The following KHDRBS2 variants were observed in gnomAD, a reference collection of about 807,000 sequenced individuals.
The protein encoded by KHDRBS2 is KH RNA binding domain containing, signal transduction associated 2, also known as KH domain-containing, RNA-binding, signal transduction-associated protein 2.
A neutral mutation model predicts 44.3 loss-of-function variants in KHDRBS2; 26 were observed. The observed-to-expected ratio is 0.59, with a 90% CI of 0.43 to 0.81. The LOEUF (loss-of-function observed/expected upper bound fraction) is 0.81, where lower values mean the gene tolerates loss of function less well. Ranked by LOEUF, KHDRBS2 falls within the 40% of genes least tolerant of loss-of-function variation. KHDRBS2 has a pLI of 0.00. For missense variants in KHDRBS2, 476 were observed against 433.1 expected (o/e 1.10, Z -0.88); for synonymous variants, 194 against 151.1 (o/e 1.28, Z -2.08).
chr6:62,198,821 T>C (rs573634), intron 1 of KHDRBS2, among the ~76,000 whole-genome samples: 122,761 of 152,084 alleles, frequency 0.81, 50,144 homozygotes, highest in African/African-American at 0.93. Context: ...TGATGAACAT[T>C]GATGCAAAAA....
intron 4 of KHDRBS2, among the ~76,000 whole-genome samples, chr6:61,949,321 TCTAA>T (rs1261096195): frequency 2.0e-5 from 3 of 152,126 alleles, no homozygotes; most frequent in Admixed American, 6.6e-5. Flanking sequence ...CCTCCTGCAT[TCTAA>T]AGTCATGGTG....
chr6:61,661,353 A>G, the KHDRBS2 span: 1 of 151,834 alleles, frequency 6.6e-6, no homozygotes, highest in Non-Finnish European at 1.5e-5. Flanking sequence ...TTTTTCTATC[A>G]TACATCTTCA....
intron 7 of KHDRBS2, among the ~76,000 whole-genome samples, chr6:61,730,863 C>T (rs1774332368): frequency 6.6e-6 from 1 of 151,796 alleles, no homozygotes; most frequent in African/African-American, 2.4e-5. Context: ...CTAACATTCA[C>T]TTTTCAGATA....
At chr6:62,214,841 T>C (rs1829705624) in intron 1 of KHDRBS2, among the ~76,000 whole-genome samples, 1 of 151,978 alleles carries the variant, frequency 6.6e-6, no homozygotes, top group African/African-American at 2.4e-5. Flanking sequence ...TAATCAATTT[T>C]CCTTTATTTC....
intron 6 of KHDRBS2, among the ~76,000 whole-genome samples, chr6:61,877,502 C>T (rs111933512): frequency 8.8e-4 from 132 of 150,678 alleles, no homozygotes; most frequent in African/African-American, 2.5e-3. Flanking sequence ...CCTCCTTTAA[C>T]TCTAAGTTTA....
chr6:62,072,802 C>CT (rs976336193), intron 2 of KHDRBS2, among the ~76,000 whole-genome samples: 17 of 152,110 alleles, frequency 1.1e-4, no homozygotes, highest in African/African-American at 3.6e-4. Flanking sequence ...CTAAAATTCT[C>CT]TTTTTTTGTT....
intron 3 of KHDRBS2, among the ~76,000 whole-genome samples, chr6:62,044,762 A>T (rs1029415029): frequency 1.3e-5 from 2 of 152,080 alleles, no homozygotes; most frequent in Non-Finnish European, 2.9e-5. Flanking sequence ...TGGCAGTTGC[A>T]TGTTGAACTT....
intron 6 of KHDRBS2, among the ~76,000 whole-genome samples, chr6:61,821,674 C>T (rs185675817): frequency 3.9e-5 from 6 of 152,036 alleles, no homozygotes; most frequent in Admixed American, 1.3e-4. Context: ...CATTTTACTG[C>T]TGCAATAAAG....
chr6:61,708,108 A>G (rs1769886740), intron 7 of KHDRBS2, among the ~76,000 whole-genome samples: 2 of 151,656 alleles, frequency 1.3e-5, no homozygotes, highest in Admixed American at 6.6e-5. Flanking sequence ...AGATAATTAA[A>G]ACATACAAGT....
intron 1 of KHDRBS2, among the ~76,000 whole-genome samples, chr6:62,282,371 A>G (rs1024879714): frequency 1.3e-5 from 2 of 152,178 alleles, no homozygotes; most frequent in African/African-American, 2.4e-5. Flanking sequence ...ATATTTGGCA[A>G]TATTTGACAT....
At chr6:62,090,874 C>T (rs1383066924) in intron 2 of KHDRBS2, among the ~76,000 whole-genome samples, 3 of 152,056 alleles carry the variant, frequency 2.0e-5, no homozygotes, top group Admixed American at 6.6e-5. Flanking sequence ...TTTAGGTACC[C>T]GATTTTTGCA....
intron 6 of KHDRBS2, among the ~76,000 whole-genome samples, chr6:61,807,164 T>A (rs1787292628): frequency 6.6e-6 from 1 of 151,838 alleles, no homozygotes; most frequent in African/African-American, 2.4e-5. Flanking sequence ...TACTAAAAAG[T>A]CAAAAAATCA....
At chr6:61,568,304 G>T in the KHDRBS2 span, among the ~76,000 whole-genome samples, 1 of 152,112 alleles carries the variant, frequency 6.6e-6, no homozygotes. Flanking sequence ...TTTTGTTTAA[G>T]ATTTCTTTGG....
At chr6:62,234,822 G>T (rs1833445010) in intron 1 of KHDRBS2, among the ~76,000 whole-genome samples, 1 of 151,846 alleles carries the variant, frequency 6.6e-6, no homozygotes. Flanking sequence ...ATCTGTAATG[G>T]CTAAAGTAGA....
chr6:61,866,428 A>G (rs1400737985), intron 6 of KHDRBS2, among the ~76,000 whole-genome samples: 1 of 152,194 alleles, frequency 6.6e-6, no homozygotes, highest in Non-Finnish European at 1.5e-5. Context: ...GCAGGGCACC[A>G]AGTCCCTAGG....
intron 1 of KHDRBS2, among the ~76,000 whole-genome samples, chr6:62,261,694 G>A (rs376722615): frequency 7.2e-5 from 11 of 151,858 alleles, no homozygotes; most frequent in South Asian, 6.2e-4. Context: ...TTGCTAAATC[G>A]TATATTACCT....
chr6:61,964,211 C>T (rs1769387706), intron 4 of KHDRBS2, among the ~76,000 whole-genome samples: 3 of 152,042 alleles, frequency 2.0e-5, no homozygotes, highest in Non-Finnish European at 4.4e-5. Flanking sequence ...AGGAGTAATG[C>T]TGCTTTTTAG....
At position 61,724,746 on chromosome 6, in the gene KHDRBS2, A is replaced by T. The variant is rs535156573; in HGVS notation, c.893+7936T>A. Among the ~76,000 whole-genome samples the T allele has an allele frequency of 2.0e-5, 3 of 152,200 alleles. No homozygotes were observed. In the South Asian group the frequency reaches 6.2e-4, roughly 31 times the overall value. On this transcript the variant is annotated intron_variant, in intron 7 of 8. Transcript: ENST00000281156. ...ACATAATGGTAAAGGGTTAAACTCA[A>T]CAAGAAGAGCTAACTATCATAAATA...
At chr6:61,872,329 G>A (rs1284806175) in intron 6 of KHDRBS2, among the ~76,000 whole-genome samples, 1 of 152,028 alleles carries the variant, frequency 6.6e-6, no homozygotes, top group Non-Finnish European at 1.5e-5. Context: ...ATCCAAATTT[G>A]TAAGCCTAAA....
Sources: allele counts gnomAD v4.1 joint callset (sites outside exome capture counted in the v4.1 genomes callset), GRCh38; gene constraint gnomAD v4.1.1; transcripts MANE v1.5; gene names NCBI Gene and HGNC (gene_info 2026-07-23, HGNC 2026-07-21).